Variants in GPHN observed in about 807,000 individuals in gnomAD.
GPHN encodes gephyrin.
In GPHN, 17 loss-of-function variants were observed where a neutral mutation model predicts 95.5. The observed-to-expected ratio is 0.18, with a 90% CI of 0.12 to 0.27. GPHN has a LOEUF of 0.27. GPHN is among the 10% of genes least tolerant of loss of function. The pLI is 1.00. For synonymous variants in GPHN, 320 were observed against 322.5 expected (o/e 0.99, Z 0.08); for missense variants, 660 against 978.1 (o/e 0.67, Z 4.34).
At chr14:67,225,958 TGTGTGC>T in the GPHN span, among the ~76,000 whole-genome samples, 5,560 of 130,148 alleles carry the variant, frequency 0.043, 290 homozygotes, top group African/African-American at 0.16. Flanking sequence ...TGTGTGTGTG[TGTGTGC>T]GCGCGCGCGC....
At chr14:67,242,918 G>C in the GPHN span, among the ~76,000 whole-genome samples, 1 of 152,162 alleles carries the variant, frequency 6.6e-6, no homozygotes, top group African/African-American at 2.4e-5. Context: ...AGTTCTACTT[G>C]AGGGTGACCC....
the GPHN span, among the ~76,000 whole-genome samples, chr14:67,574,043 G>T: frequency 5.3e-5 from 8 of 152,332 alleles, no homozygotes; most frequent in Middle Eastern, 3.4e-3. The surrounding 1 kb of genome is among the most constrained non-coding windows in gnomAD (Gnocchi z 4.2). Flanking sequence ...AAGAAAGGAA[G>T]ATGAGACAGA....
chr14:67,333,099 A>G, the GPHN span: 1 of 675,876 alleles, frequency 1.5e-6, no homozygotes, highest in Non-Finnish European at 2.4e-6. Context: ...CTCTTGAATT[A>G]GTGAGACGAC....
the GPHN span, among the ~76,000 whole-genome samples, chr14:67,251,216 A>G: frequency 6.6e-6 from 1 of 152,154 alleles, no homozygotes; most frequent in African/African-American, 2.4e-5. Flanking sequence ...GATGAAAGCC[A>G]TTTTCCACTT....
intron 3 of GPHN, among the ~76,000 whole-genome samples, chr14:66,786,560 A>G (rs112904832): frequency 0.015 from 2,339 of 152,228 alleles, 30 homozygotes; most frequent in Non-Finnish European, 0.018. Flanking sequence ...GATACCAAAA[A>G]CAGAGAAAGA....
chr14:67,061,163 T>C (rs1365434182), intron 11 of GPHN, among the ~76,000 whole-genome samples: 1 of 152,178 alleles, frequency 6.6e-6, no homozygotes, highest in Non-Finnish European at 1.5e-5. Flanking sequence ...TGCCTCAGCC[T>C]CCTGAGTACC....
At chr14:67,283,910 T>G in the GPHN span, among the ~76,000 whole-genome samples, 1 of 152,236 alleles carries the variant, frequency 6.6e-6, no homozygotes, top group Non-Finnish European at 1.5e-5. Context: ...TTCGTTGTCT[T>G]ACGGCACATT....
chr14:66,700,104 C>G (rs957989125), intron 2 of GPHN, among the ~76,000 whole-genome samples: 4 of 152,036 alleles, frequency 2.6e-5, no homozygotes, highest in African/African-American at 9.7e-5. Flanking sequence ...TGTGGAAAAT[C>G]TACTTACAGA....
At chr14:66,618,669 G>T (rs566511575) in intron 1 of GPHN, among the ~76,000 whole-genome samples, 1 of 152,282 alleles carries the variant, frequency 6.6e-6, no homozygotes, top group South Asian at 2.1e-4. Flanking sequence ...AGTAAGTTGA[G>T]AATTTAAATA....
the GPHN span, among the ~76,000 whole-genome samples, chr14:67,630,878 C>T: frequency 1.2e-4 from 19 of 152,144 alleles, no homozygotes; most frequent in Non-Finnish European, 2.1e-4. Flanking sequence ...CCACCGTGCC[C>T]CGCCCATGTA....
intron 18 of GPHN, among the ~76,000 whole-genome samples, chr14:67,153,738 G>A (rs1333333869): frequency 7.2e-5 from 11 of 152,186 alleles, no homozygotes; most frequent in Non-Finnish European, 1.3e-4. Context: ...CAATTTTTCT[G>A]ACCACTGGTG....
Position 66,705,015 on chromosome 14 carries a change from C to T in GPHN, c.143+23830C>T, listed in dbSNP as rs377677746. 5.3e-5 allele frequency among the ~76,000 whole-genome samples: 8 copies of T among 152,338 alleles called. No individual in the cohort carries two copies. The South Asian group carries it at 8.3e-4, about 16-fold the overall frequency. Reference sequence around the variant, plus strand: ...CTGATCCAACAGAGATACAAACTACCATTAGAGAATACTATAAACACCTCT... The same window carrying T: ...CTGATCCAACAGAGATACAAACTACTATTAGAGAATACTATAAACACCTCT... On this transcript the variant is annotated intron_variant, in intron 2 of 22. Transcript: ENST00000478722.
At chr14:67,380,897 C>T in the GPHN span, 2 of 457,650 alleles carry the variant, frequency 4.4e-6, no homozygotes, top group Non-Finnish European at 7.7e-6. Flanking sequence ...TTTTTTATAA[C>T]AAAAGCTTAA....
At chr14:67,300,811 A>G in the GPHN span, among the ~76,000 whole-genome samples, 1 of 152,134 alleles carries the variant, frequency 6.6e-6, no homozygotes, top group Non-Finnish European at 1.5e-5. Flanking sequence ...CATTACACTC[A>G]TATAAATTCA....
At chr14:67,587,334 C>T in the GPHN span, 27 of 1,314,088 alleles carry the variant, frequency 2.1e-5, no homozygotes, top group Admixed American at 8.5e-5. Context: ...TAACAGCCCC[C>T]GGCTACTCTT....
Position 67,181,226 on chromosome 14 carries a change from A to G in GPHN, c.*289A>G, listed in dbSNP as rs2083309017. 4.1e-6 allele frequency: 2 copies of G among 487,916 alleles called. No individual in the cohort carries two copies. Among genetic ancestry groups the G allele is most frequent in the East Asian group, 7.3e-5 (2 of 27,558 alleles). The allele number at this position is 487,916 out of a possible 1,614,324, so 30.2% of individuals were successfully genotyped here. A position where few individuals can be genotyped will look rare whatever the true frequency, so the allele number is the denominator to read the frequency against. Reference sequence around the variant, plus strand: ...CTGATAGCGATAGCTTTTAGTAGACAGCGGTAGGTGCCTGCAGAACTTGTG... The same window carrying G: ...CTGATAGCGATAGCTTTTAGTAGACGGCGGTAGGTGCCTGCAGAACTTGTG... On this transcript the variant is annotated 3_prime_UTR_variant, in exon 23 of 23. Transcript: ENST00000478722.
chr14:67,383,157 A>G, the GPHN span, among the ~76,000 whole-genome samples: 7 of 152,180 alleles, frequency 4.6e-5, no homozygotes, highest in Admixed American at 3.9e-4. Context: ...TATTTATGTA[A>G]TGGAATTTAT....
chr14:67,570,065 C>T, the GPHN span: 1 of 1,220,968 alleles, frequency 8.2e-7, no homozygotes, highest in Non-Finnish European at 1.2e-6. Context: ...GGCCCCTGGC[C>T]TCATCATCCA....
intron 1 of GPHN, among the ~76,000 whole-genome samples, chr14:66,644,370 C>T (rs1174792337): frequency 6.6e-6 from 1 of 151,986 alleles, no homozygotes; most frequent in Admixed American, 6.6e-5. Context: ...TAATTTTATT[C>T]TCTACCCACA....
Sources: gnomAD v4.1 joint callset for allele counts (sites outside exome capture counted in the v4.1 genomes callset) on GRCh38, gnomAD v4.1.1 for gene constraint, Gnocchi (gnomAD v3.1) non-coding constraint, MANE v1.5 for transcripts, NCBI Gene and HGNC (gene_info 2026-07-23, HGNC 2026-07-21) for gene names.